Variants in LOC400499 observed in about 807,000 individuals in gnomAD.
the LOC400499 span, chr16:11,446,579 C>G: frequency 6.5e-7 from 1 of 1,536,084 alleles, no homozygotes; most frequent in African/African-American, 1.4e-5. Context: ...ACCAGGCACC[C>G]CTCTGTGTTC....
the LOC400499 span, among the ~76,000 whole-genome samples, chr16:11,453,216 T>G: frequency 6.6e-6 from 1 of 152,334 alleles, no homozygotes; most frequent in Admixed American, 6.5e-5. Flanking sequence ...GGAGAATAGA[T>G]TTTTTTAAAT....
chr16:11,478,516 C>G, the LOC400499 span: 1 of 399,014 alleles, frequency 2.5e-6, no homozygotes, highest in African/African-American at 2.1e-5. Context: ...TGGGCAGGGG[C>G]AGGGAGGAGC....
chr16:11,447,216 C>G, the LOC400499 span, among the ~76,000 whole-genome samples: 14 of 152,182 alleles, frequency 9.2e-5, no homozygotes, highest in African/African-American at 3.1e-4. Flanking sequence ...GGATTAGAAT[C>G]CAGGCACGGT....
the LOC400499 span, among the ~76,000 whole-genome samples, chr16:11,382,368 T>C: frequency 0.32 from 47,994 of 152,114 alleles, 7,723 homozygotes; most frequent in Non-Finnish European, 0.35. Flanking sequence ...CATCTGAAGC[T>C]CTTGGAAGCC....
the LOC400499 span, chr16:11,392,848 GTTT>G: frequency 1.1e-6 from 1 of 939,314 alleles, no homozygotes; most frequent in Non-Finnish European, 1.3e-6. Context: ...AGGTTTTTTC[GTTT>G]TTGTTTTTGT....
the LOC400499 span, chr16:11,446,784 C>T: frequency 6.5e-7 from 1 of 1,536,100 alleles, no homozygotes; most frequent in South Asian, 1.2e-5. Flanking sequence ...GGACCATGGT[C>T]TGCAGGGTTT....
the LOC400499 span, among the ~76,000 whole-genome samples, chr16:11,449,531 T>G: frequency 5.3e-5 from 8 of 151,886 alleles, no homozygotes; most frequent in Non-Finnish European, 8.8e-5. Context: ...CTAGGGGAGG[T>G]AGGGCATTTG....
the LOC400499 span, among the ~76,000 whole-genome samples, chr16:11,505,667 C>A: frequency 6.6e-6 from 1 of 151,716 alleles, no homozygotes; most frequent in East Asian, 1.9e-4. Flanking sequence ...AGGCTGGTCT[C>A]AAACCCCTGG....
At chr16:11,527,257 A>G in the LOC400499 span, among the ~76,000 whole-genome samples, 3 of 152,134 alleles carry the variant, frequency 2.0e-5, no homozygotes, top group African/African-American at 7.2e-5. Context: ...TTTTTCCCCA[A>G]AGAGGAGGGC....
chr16:11,517,754 G>C, the LOC400499 span, among the ~76,000 whole-genome samples: 3 of 152,184 alleles, frequency 2.0e-5, no homozygotes, highest in African/African-American at 7.2e-5. Flanking sequence ...AAGGTGCCTG[G>C]GTCTGGTATC....
the LOC400499 span, chr16:11,476,871 G>A: frequency 1.3e-5 from 5 of 399,576 alleles, no homozygotes; most frequent in East Asian, 3.6e-5. Context: ...CGCTGCGGAC[G>A]CTGGTCACCC....
the LOC400499 span, chr16:11,387,147 A>G: frequency 1.6e-6 from 2 of 1,232,282 alleles, no homozygotes; most frequent in Non-Finnish European, 2.0e-6. Context: ...CGTCTGAGCC[A>G]GTAGTACTCA....
At chr16:11,512,949 G>A in the LOC400499 span, among the ~76,000 whole-genome samples, 1 of 152,152 alleles carries the variant, frequency 6.6e-6, no homozygotes, top group Non-Finnish European at 1.5e-5. Flanking sequence ...TCTCCCCCAG[G>A]GGGTGCCGGG....
the LOC400499 span, chr16:11,390,428 C>T: frequency 6.9e-5 from 86 of 1,252,346 alleles, no homozygotes; most frequent in Non-Finnish European, 8.2e-5. Context: ...CGCAGTGTCA[C>T]CTCCAGGTAG....
chr16:11,462,964 C>G, the LOC400499 span, among the ~76,000 whole-genome samples: 1 of 152,312 alleles, frequency 6.6e-6, no homozygotes, highest in Admixed American at 6.5e-5. Flanking sequence ...CTGGCTCTCC[C>G]GGCTCCCATC....
At chr16:11,414,665 G>A in the LOC400499 span, 2 of 397,744 alleles carry the variant, frequency 5.0e-6, no homozygotes, top group East Asian at 7.1e-5. Context: ...GCTGGGTGGG[G>A]TCAACCCCTT....
At chr16:11,391,392 G>A in the LOC400499 span, among the ~76,000 whole-genome samples, 1,014 of 76,772 alleles carry the variant, frequency 0.013, 14 homozygotes, top group African/African-American at 0.048. Context: ...AAGAAAGCAG[G>A]CGGGAGACTG....
At chr16:11,462,820 C>A in the LOC400499 span, among the ~76,000 whole-genome samples, 2 of 152,142 alleles carry the variant, frequency 1.3e-5, no homozygotes, top group Non-Finnish European at 2.9e-5. Context: ...TCCTTGACAT[C>A]CCCCTCATTC....
At chr16:11,382,011 C>T in the LOC400499 span, among the ~76,000 whole-genome samples, 37 of 151,634 alleles carry the variant, frequency 2.4e-4, no homozygotes, top group Admixed American at 1.6e-3. Context: ...GGCGCAATCT[C>T]GGCTCACTGC....
Sources: allele counts gnomAD v4.1 joint callset (sites outside exome capture counted in the v4.1 genomes callset), GRCh38; gene constraint gnomAD v4.1.1; transcripts MANE v1.5.